BRAF: variants seen among roughly 807,000 people sequenced by gnomAD.
BRAF encodes the protein serine/threonine-protein kinase B-raf.
In BRAF, 16 loss-of-function variants were observed where a neutral mutation model predicts 104.6. That is an observed-to-expected ratio of 0.15 (90% confidence interval 0.10 to 0.23). BRAF has a LOEUF of 0.23. Ranked by LOEUF, BRAF falls within the 10% of genes least tolerant of loss-of-function variation. BRAF has a pLI of 1.00. For synonymous variants in BRAF, 310 were observed against 341.6 expected (o/e 0.91, Z 1.02); for missense variants, 541 against 937.3 (o/e 0.58, Z 5.52).
intron 3 of BRAF, among the ~76,000 whole-genome samples, chr7:140,818,821 CTT>C (rs1805166305): frequency 6.6e-6 from 1 of 152,116 alleles, no homozygotes; most frequent in African/African-American, 2.4e-5. Context: ...TATTACAATC[CTT>C]TGACTTAGTC....
intron 14 of BRAF, among the ~76,000 whole-genome samples, chr7:140,774,865 A>C (rs556515913): frequency 6.6e-6 from 1 of 152,308 alleles, no homozygotes; most frequent in East Asian, 1.9e-4. Flanking sequence ...CTTTCTTCTG[A>C]AAGGTAAATC....
intron 7 of BRAF, among the ~76,000 whole-genome samples, chr7:140,795,850 T>C (rs1802442329): frequency 6.6e-6 from 1 of 152,210 alleles, no homozygotes; most frequent in South Asian, 2.1e-4. Context: ...AATTAGCATG[T>C]TCCATCTAGG....
intron 1 of BRAF, among the ~76,000 whole-genome samples, chr7:140,867,857 A>G (rs1435125190): frequency 2.0e-5 from 3 of 152,206 alleles, no homozygotes; most frequent in Admixed American, 6.5e-5. Context: ...TAACTCTGCA[A>G]TCCCCTTTCC....
chr7:140,879,618 C>T (rs1414603110), intron 1 of BRAF, among the ~76,000 whole-genome samples: 5 of 150,490 alleles, frequency 3.3e-5, no homozygotes, highest in African/African-American at 1.2e-4. Context: ...TAACAATTAC[C>T]TGGGCCTTCA....
Position 140,724,204 on chromosome 7 carries a change from T to C in BRAF, c.*2290A>G. 9.5e-7 allele frequency: 1 copy of C among 1,056,938 alleles called. No homozygotes were observed. The highest frequency in any genetic ancestry group is 1.1e-6 in the Non-Finnish European group (1 of 874,052). The allele number at this position is 1,056,938 out of a possible 1,614,324, so 65.5% of individuals were successfully genotyped here. On this transcript the variant is annotated 3_prime_UTR_variant, in exon 20 of 20. Coordinates refer to ENST00000644969, the MANE Select transcript of BRAF (RefSeq NM_001374258.1). The stretch of plus-strand genomic sequence containing the variant: ...GCTTCCTCCCTAATGGTACCGCCCC[T>C]GCCCCTGCCCCACGGAGGCAGTCCC...
At chr7:140,907,148 C>T (rs761269846) in intron 1 of BRAF, among the ~76,000 whole-genome samples, 1 of 152,162 alleles carries the variant, frequency 6.6e-6, no homozygotes, top group Non-Finnish European at 1.5e-5. Flanking sequence ...TGCCTTGTCT[C>T]CCAGGCAATG....
intron 1 of BRAF, among the ~76,000 whole-genome samples, chr7:140,851,038 A>G (rs924866886): frequency 3.9e-5 from 6 of 152,196 alleles, no homozygotes; most frequent in African/African-American, 1.4e-4. Context: ...GAAAAGGGGG[A>G]AAAATTAAGA....
At chr7:140,750,640 T>C (rs190563606) in intron 16 of BRAF, among the ~76,000 whole-genome samples, 10 of 152,328 alleles carry the variant, frequency 6.6e-5, no homozygotes, top group East Asian at 1.9e-4. Context: ...ATTTTGTTCA[T>C]AGTTGCTTTT....
Position 140,720,432 on chromosome 7 carries a change from T to C in BRAF, c.*6062A>G, listed in dbSNP as rs1309461107. On this transcript the variant is annotated 3_prime_UTR_variant, in exon 20 of 20. Coordinates refer to ENST00000644969, the MANE Select transcript of BRAF (RefSeq NM_001374258.1). Reference sequence around the variant, plus strand: ...ATGAAGATAAATAAGACATAAAGGCTAGCCACTTACGTTGGTCATTAACAT... The same window carrying C: ...ATGAAGATAAATAAGACATAAAGGCCAGCCACTTACGTTGGTCATTAACAT... 1.0e-5 allele frequency: 11 copies of C among 1,062,740 alleles called. No homozygotes were observed. Among genetic ancestry groups the C allele is most frequent in the African/African-American group, 3.3e-5 (2 of 60,932 alleles). The allele number at this position is 1,062,740 out of a possible 1,614,324, so 65.8% of individuals were successfully genotyped here.
At chr7:140,852,573 C>T (rs1809298844) in intron 1 of BRAF, among the ~76,000 whole-genome samples, 1 of 152,030 alleles carries the variant, frequency 6.6e-6, no homozygotes, top group Non-Finnish European at 1.5e-5. Context: ...TTTCATGATG[C>T]CTTTGCTAAT....
At chr7:140,841,865 T>C (rs920847068) in intron 2 of BRAF, among the ~76,000 whole-genome samples, 2 of 152,218 alleles carry the variant, frequency 1.3e-5, no homozygotes, top group African/African-American at 4.8e-5. Flanking sequence ...ATGTGAATTA[T>C]TTCTCAATTA....
intron 7 of BRAF, among the ~76,000 whole-genome samples, chr7:140,798,811 T>C (rs1481742513): frequency 1.3e-5 from 2 of 151,960 alleles, no homozygotes; most frequent in African/African-American, 4.8e-5. Flanking sequence ...TGTCTTCCTT[T>C]TTATTTCCTA....
At chr7:140,866,294 G>A (rs899647195) in intron 1 of BRAF, among the ~76,000 whole-genome samples, 3 of 152,106 alleles carry the variant, frequency 2.0e-5, no homozygotes, top group African/African-American at 7.2e-5. Context: ...TTCTCTCACT[G>A]TAACCTGCTT....
At chr7:140,753,489 T>G in intron 15 of BRAF, 96 bp from the exon 15 acceptor site, 1 of 797,734 alleles carries the variant, frequency 1.3e-6, no homozygotes, top group East Asian at 2.7e-5. Flanking sequence ...TTTCTATAAT[T>G]CTGTAATATA....
chr7:140,892,615 T>C (rs1388738942), intron 1 of BRAF, among the ~76,000 whole-genome samples: 1 of 152,202 alleles, frequency 6.6e-6, no homozygotes, highest in Non-Finnish European at 1.5e-5. Context: ...AATACTGTGC[T>C]AGAGCATTTA....
chr7:140,714,744 C>T (rs924840592), downstream of BRAF, among the ~76,000 whole-genome samples: 1 of 152,092 alleles, frequency 6.6e-6, no homozygotes. Context: ...TCTCAGAGAA[C>T]TTATTAGAAA....
intron 2 of BRAF, chr7:140,836,083 G>A (rs1305509581): frequency 6.6e-6 from 1 of 152,042 alleles, no homozygotes; most frequent in African/African-American, 2.4e-5. Flanking sequence ...CCTCTATATG[G>A]GAAAAATTCT....
chr7:140,922,731 C>T (rs1176424375), intron 1 of BRAF, among the ~76,000 whole-genome samples: 1 of 152,126 alleles, frequency 6.6e-6, no homozygotes, highest in African/African-American at 2.4e-5. Context: ...AGTATTTATC[C>T]ATTAAAAACA....
At chr7:140,781,498 T>C in intron 12 of BRAF, 78 bp downstream of exon 11, 4 of 1,286,766 alleles carry the variant, frequency 3.1e-6, no homozygotes, top group Non-Finnish European at 4.5e-6. Flanking sequence ...TTTCCTTTGA[T>C]GATATTTTTT....
Sources: gnomAD v4.1 joint callset for allele counts (sites outside exome capture counted in the v4.1 genomes callset) on GRCh38, gnomAD v4.1.1 for gene constraint, MANE v1.5 for transcripts, NCBI Gene and HGNC (gene_info 2026-07-23, HGNC 2026-07-21) for gene names.